The following C4orf36 variants were observed in gnomAD, a reference collection of about 807,000 sequenced individuals.
C4orf36 encodes uncharacterized protein C4orf36.
A neutral mutation model predicts 12.2 loss-of-function variants in C4orf36; 11 were observed. The ratio of observed to expected loss-of-function variants is 0.90; its 90% confidence interval spans 0.57 to 1.49. The LOEUF is 1.49. Ranked by LOEUF, C4orf36 falls within the 40% of genes most tolerant of loss-of-function variation. The pLI is 0.00. For synonymous variants in C4orf36, 54 were observed against 51.3 expected (o/e 1.05, Z -0.22); for missense variants, 137 against 133.9 (o/e 1.02, Z -0.11).
chr4:86,881,416 A>G (rs1016527998), intron 4 of C4orf36, among the ~76,000 whole-genome samples: 1 of 152,292 alleles, frequency 6.6e-6, no homozygotes, highest in African/African-American at 2.4e-5. Flanking sequence ...CTGATTTTTA[A>G]AAAGTATCCT....
chr4:86,890,915 T>C (rs1037653511), intron 2 of C4orf36, among the ~76,000 whole-genome samples: 1 of 152,162 alleles, frequency 6.6e-6, no homozygotes, highest in Non-Finnish European at 1.5e-5. Context: ...AAGATGGCCT[T>C]AGGGAGCTGG....
At chr4:86,928,203 G>A in the C4orf36 span, among the ~76,000 whole-genome samples, 1 of 152,344 alleles carries the variant, frequency 6.6e-6, no homozygotes, top group African/African-American at 2.4e-5. Flanking sequence ...AGACCCAAAA[G>A]GGGAAGGTGA....
upstream of C4orf36, among the ~76,000 whole-genome samples, chr4:86,894,496 G>A (rs1023285426): frequency 1.3e-5 from 2 of 152,108 alleles, no homozygotes; most frequent in Admixed American, 6.6e-5. Context: ...CCTTAGAAGG[G>A]AAGTTCCTCA....
chr4:86,892,050 G>A, intron 1 of C4orf36, 133 bp downstream of exon 1: 1 of 986,388 alleles, frequency 1.0e-6, no homozygotes, highest in Non-Finnish European at 1.2e-6. Context: ...CCGATTCGGG[G>A]CGAGTCCCCT....
chr4:86,929,099 G>C, the C4orf36 span, among the ~76,000 whole-genome samples: 2 of 151,986 alleles, frequency 1.3e-5, no homozygotes, highest in Non-Finnish European at 2.9e-5. Flanking sequence ...TTTTCTTTCC[G>C]TATGAGTTTT....
At chr4:86,903,481 G>A in the C4orf36 span, among the ~76,000 whole-genome samples, 58 of 152,320 alleles carry the variant, frequency 3.8e-4, 1 homozygote, top group African/African-American at 1.1e-3. Context: ...TAAAAGCAGC[G>A]CATCTGGAAT....
intron 4 of C4orf36, among the ~76,000 whole-genome samples, chr4:86,876,934 C>T (rs562562767): frequency 1.9e-4 from 29 of 152,166 alleles, no homozygotes; most frequent in African/African-American, 7.0e-4. Context: ...AGCAACAATG[C>T]CAGATATATT....
the C4orf36 span, among the ~76,000 whole-genome samples, chr4:86,911,640 T>A: frequency 1.3e-5 from 2 of 152,324 alleles, no homozygotes; most frequent in Non-Finnish European, 2.9e-5. Flanking sequence ...GCTCACAACA[T>A]GCCAGATATT....
chr4:86,903,076 T>C, the C4orf36 span, among the ~76,000 whole-genome samples: 5 of 152,244 alleles, frequency 3.3e-5, no homozygotes, highest in Non-Finnish European at 7.3e-5. Flanking sequence ...TGCCTTCTCA[T>C]TATTTGTTAA....
chr4:86,935,712 G>C, the C4orf36 span: 1 of 152,170 alleles, frequency 6.6e-6, no homozygotes, highest in Non-Finnish European at 1.5e-5. Flanking sequence ...AGAGAGATGA[G>C]GGCTTCCCGC....
chr4:86,917,751 G>T, the C4orf36 span, among the ~76,000 whole-genome samples: 1 of 152,232 alleles, frequency 6.6e-6, no homozygotes, highest in Non-Finnish European at 1.5e-5. Context: ...CTTAGACTGT[G>T]CTTACACAAA....
chr4:86,913,617 G>T, the C4orf36 span: 1 of 1,444,690 alleles, frequency 6.9e-7, no homozygotes, highest in Non-Finnish European at 9.6e-7. Flanking sequence ...CTTAGGAGCA[G>T]CAGGAACTCT....
the C4orf36 span, among the ~76,000 whole-genome samples, chr4:86,917,190 G>T: frequency 6.6e-6 from 1 of 152,070 alleles, no homozygotes; most frequent in Non-Finnish European, 1.5e-5. Context: ...TGAGGTGAAT[G>T]AATCCCTTGA....
the C4orf36 span, among the ~76,000 whole-genome samples, chr4:86,898,098 G>A: frequency 2.0e-5 from 3 of 152,142 alleles, no homozygotes; most frequent in African/African-American, 7.2e-5. Flanking sequence ...TGCTTTAAAA[G>A]TATATCACAG....
chr4:86,888,421 G>T, intron 2 of C4orf36, 146 bp from the exon 3 acceptor site: 2 of 676,590 alleles, frequency 3.0e-6, no homozygotes, highest in Non-Finnish European at 4.9e-6. Flanking sequence ...ATTTTCCAGA[G>T]TTGTAGTTCC....
intron 2 of C4orf36, among the ~76,000 whole-genome samples, chr4:86,890,383 CA>C (rs1453284127): frequency 6.6e-6 from 1 of 151,802 alleles, no homozygotes; most frequent in Non-Finnish European, 1.5e-5. Context: ...GTGGGCAGAG[CA>C]AAGTTCAATA....
chr4:86,912,982 C>T, the C4orf36 span, among the ~76,000 whole-genome samples: 3 of 150,962 alleles, frequency 2.0e-5, no homozygotes, highest in African/African-American at 7.3e-5. Flanking sequence ...ATCTCCCTCA[C>T]ACTGTCTTTT....
chr4:86,877,577 T>C (rs959740793), intron 4 of C4orf36, among the ~76,000 whole-genome samples: 4 of 152,224 alleles, frequency 2.6e-5, no homozygotes, highest in African/African-American at 9.7e-5. Flanking sequence ...ATACAGAGCC[T>C]GGGTTCCTGA....
chr4:86,879,031 T>G (rs1224649065), intron 4 of C4orf36, among the ~76,000 whole-genome samples: 1 of 151,994 alleles, frequency 6.6e-6, no homozygotes, highest in African/African-American at 2.4e-5. Context: ...AGCCAATGTC[T>G]AAAGACTGGG....
Sources: allele counts gnomAD v4.1 joint callset (sites outside exome capture counted in the v4.1 genomes callset), GRCh38; gene constraint gnomAD v4.1.1; transcripts MANE v1.5; gene names NCBI Gene and HGNC (gene_info 2026-07-23, HGNC 2026-07-21).